Variants in FHIT observed in about 807,000 individuals in gnomAD.
FHIT encodes the protein bis(5'-adenosyl)-triphosphatase.
In FHIT, 19 loss-of-function variants were observed where a neutral mutation model predicts 17.9. That is an observed-to-expected ratio of 1.06 (90% CI 0.74 to 1.56). The LOEUF is 1.56. Ranked by LOEUF, FHIT falls within the 40% of genes most tolerant of loss-of-function variation. The probability of loss-of-function intolerance (pLI) is 0.00; values close to 1 mark genes in which losing one functional copy is unlikely to be tolerated. For synonymous variants in FHIT, 81 were observed against 69.7 expected, an observed-to-expected ratio of 1.16 and a Z score of -0.81; for missense variants, 248 against 189.2, an observed-to-expected ratio of 1.31 and a Z score of -1.82.
At chr3:60,288,770 G>A (rs1193471325) in intron 5 of FHIT, among the ~76,000 whole-genome samples, 1 of 152,134 alleles carries the variant, frequency 6.6e-6, no homozygotes, top group African/African-American at 2.4e-5. Context: ...TAAAATATAT[G>A]TAATACACTA....
intron 8 of FHIT, among the ~76,000 whole-genome samples, chr3:59,761,203 A>ATAAT (rs1204199735): frequency 2.0e-5 from 3 of 152,222 alleles, no homozygotes; most frequent in Non-Finnish European, 4.4e-5. Context: ...CAGTAGAGAA[A>ATAAT]TAATTTGCAC....
intron 4 of FHIT, among the ~76,000 whole-genome samples, chr3:60,653,338 T>C (rs1553688796): frequency 6.6e-6 from 1 of 152,114 alleles, no homozygotes. Context: ...CTTTGGAATT[T>C]TATAAATGCG....
chr3:60,401,546 G>GGC (rs1434802849), intron 5 of FHIT, among the ~76,000 whole-genome samples: 1 of 152,112 alleles, frequency 6.6e-6, no homozygotes, highest in East Asian at 1.9e-4. Flanking sequence ...GCTCTTATGT[G>GGC]GCTCTGATAA....
intron 5 of FHIT, among the ~76,000 whole-genome samples, chr3:60,141,391 A>G (rs1315940015): frequency 6.6e-6 from 1 of 152,070 alleles, no homozygotes; most frequent in Non-Finnish European, 1.5e-5. Flanking sequence ...CATTAAAAAA[A>G]AAAAAAAAAC....
intron 5 of FHIT, among the ~76,000 whole-genome samples, chr3:60,018,837 G>C (rs184827394): frequency 6.6e-6 from 1 of 152,000 alleles, no homozygotes; most frequent in African/African-American, 2.4e-5. Context: ...AAAAACAGCT[G>C]GGCATGGTGG....
intron 5 of FHIT, among the ~76,000 whole-genome samples, chr3:60,248,130 C>T (rs1161819531): frequency 2.0e-5 from 3 of 152,018 alleles, no homozygotes; most frequent in Admixed American, 6.5e-5. Flanking sequence ...GAAGCTGCCT[C>T]GTTATAAAAA....
intron 3 of FHIT, among the ~76,000 whole-genome samples, chr3:60,982,342 T>C (rs1317050960): frequency 6.6e-6 from 1 of 152,226 alleles, no homozygotes; most frequent in East Asian, 1.9e-4. Context: ...CCATGTGAAC[T>C]GTGGAGCTTT....
At chr3:60,344,063 T>C (rs1467561195) in intron 5 of FHIT, among the ~76,000 whole-genome samples, 1 of 152,204 alleles carries the variant, frequency 6.6e-6, no homozygotes, top group Admixed American at 6.6e-5. Flanking sequence ...CAGACGGGGA[T>C]CTGTTAACAG....
At chr3:60,699,223 T>C (rs1360700100) in intron 4 of FHIT, among the ~76,000 whole-genome samples, 2 of 152,202 alleles carry the variant, frequency 1.3e-5, no homozygotes, top group African/African-American at 4.8e-5. Context: ...TGAGCATCCA[T>C]ACACACATCT....
chr3:60,887,278 T>A (rs1360019844), intron 3 of FHIT, among the ~76,000 whole-genome samples: 1 of 152,196 alleles, frequency 6.6e-6, no homozygotes, highest in African/African-American at 2.4e-5. Context: ...TTAGGACTTT[T>A]GTTTTGTTTT....
At chr3:60,283,159 AAGC>A (rs1287104472) in intron 5 of FHIT, among the ~76,000 whole-genome samples, 1 of 152,100 alleles carries the variant, frequency 6.6e-6, no homozygotes, top group Non-Finnish European at 1.5e-5. Context: ...TGGCATTCAT[AAGC>A]AAGCTAAAAT....
At chr3:59,920,254 T>C (rs575276691) in intron 8 of FHIT, among the ~76,000 whole-genome samples, 2 of 152,358 alleles carry the variant, frequency 1.3e-5, no homozygotes, top group Admixed American at 1.3e-4. Context: ...AACTTACTTC[T>C]GCCTGTTTCT....
At chr3:60,861,817 G>A (rs1198753504) in intron 3 of FHIT, among the ~76,000 whole-genome samples, 1 of 151,838 alleles carries the variant, frequency 6.6e-6, no homozygotes, top group Admixed American at 6.6e-5. Flanking sequence ...TTTTAAAAAA[G>A]CTAGTTTGTG....
At chr3:60,256,820 A>G (rs1706018932) in intron 5 of FHIT, among the ~76,000 whole-genome samples, 1 of 152,156 alleles carries the variant, frequency 6.6e-6, no homozygotes, top group African/African-American at 2.4e-5. Flanking sequence ...TTTCTCTTCA[A>G]CACAAATTTC....
At chr3:60,569,751 ATATATTTT>A (rs2037300784) in intron 4 of FHIT, among the ~76,000 whole-genome samples, 1 of 69,782 alleles carries the variant, frequency 1.4e-5, no homozygotes, top group African/African-American at 6.1e-5. Context: ...ATATATATAT[ATATATTTT>A]TTTTTTTTTT....
At chr3:59,985,688 G>A (rs931196471) in intron 7 of FHIT, among the ~76,000 whole-genome samples, 58 of 152,142 alleles carry the variant, frequency 3.8e-4, no homozygotes, top group African/African-American at 1.2e-3. Flanking sequence ...AAAAATCTGT[G>A]AGAATTGGGA....
intron 1 of FHIT, among the ~76,000 whole-genome samples, chr3:61,202,943 G>C (rs772645363): frequency 6.6e-6 from 1 of 152,042 alleles, no homozygotes; most frequent in Non-Finnish European, 1.5e-5. Flanking sequence ...CACTTTGGGA[G>C]GCCGAGGCAG....
chr3:59,800,786 G>C (rs574646246), intron 8 of FHIT, among the ~76,000 whole-genome samples: 14 of 152,292 alleles, frequency 9.2e-5, no homozygotes, highest in Admixed American at 7.8e-4. Flanking sequence ...CATTTTCTGA[G>C]CATTGCAGTG....
intron 5 of FHIT, among the ~76,000 whole-genome samples, chr3:60,313,768 G>A (rs1393523625): frequency 6.6e-6 from 1 of 152,148 alleles, no homozygotes; most frequent in Non-Finnish European, 1.5e-5. Flanking sequence ...CTGAGAGGAT[G>A]AGGTTAGATC....
Sources: allele counts gnomAD v4.1 joint callset (sites outside exome capture counted in the v4.1 genomes callset), GRCh38; gene constraint gnomAD v4.1.1; transcripts MANE v1.5; gene names NCBI Gene and HGNC (gene_info 2026-07-23, HGNC 2026-07-21).